Variants in UNC5D observed in about 807,000 individuals in gnomAD.
The protein encoded by UNC5D is unc-5 netrin receptor D.
Under a neutral mutation model 105.4 loss-of-function variants are expected in UNC5D, and 39 were observed. The observed-to-expected ratio is 0.37, with a 90% CI of 0.29 to 0.48. The LOEUF (loss-of-function observed/expected upper bound fraction) is 0.48. UNC5D is among the 20% of genes least tolerant of loss of function. The pLI is 0.98. For synonymous variants in UNC5D, 452 were observed against 450.4 expected, an observed-to-expected ratio of 1.00 and a Z score of -0.04; for missense variants, 991 against 1,202.4, an observed-to-expected ratio of 0.82 and a Z score of 2.60.
intron 10 of UNC5D, among the ~76,000 whole-genome samples, chr8:35,729,622 G>T (rs1379596493): frequency 6.6e-6 from 1 of 152,184 alleles, no homozygotes; most frequent in African/African-American, 2.4e-5. Flanking sequence ...GAGCACACTG[G>T]ATGTCCTGTG....
chr8:35,778,320 A>G (rs1415139900), intron 16 of UNC5D, among the ~76,000 whole-genome samples: 1 of 152,170 alleles, frequency 6.6e-6, no homozygotes. Context: ...TATTTTGCAG[A>G]AATTGTCAAG....
chr8:35,303,640 C>T (rs985693947), intron 1 of UNC5D, among the ~76,000 whole-genome samples: 4 of 152,126 alleles, frequency 2.6e-5, no homozygotes, highest in African/African-American at 9.7e-5. Flanking sequence ...TGGATACATT[C>T]TCTCCTCTGC....
At chr8:35,239,701 C>G (rs933734420) in intron 1 of UNC5D, among the ~76,000 whole-genome samples, 4 of 152,018 alleles carry the variant, frequency 2.6e-5, no homozygotes, top group African/African-American at 9.7e-5. Flanking sequence ...TGCTGATTGT[C>G]CCTTCGTCCA....
intron 1 of UNC5D, among the ~76,000 whole-genome samples, chr8:35,369,071 A>G (rs1164203351): frequency 6.6e-6 from 1 of 152,250 alleles, no homozygotes; most frequent in African/African-American, 2.4e-5. Flanking sequence ...CATATTATAT[A>G]ACTGTATGTA....
intron 4 of UNC5D, among the ~76,000 whole-genome samples, chr8:35,646,548 G>A (rs1586328577): frequency 6.6e-6 from 1 of 152,014 alleles, no homozygotes. Flanking sequence ...ATATTTGTCT[G>A]TAATGCTCTA....
At chr8:35,470,692 C>T (rs1038651180) in intron 1 of UNC5D, among the ~76,000 whole-genome samples, 27 of 151,218 alleles carry the variant, frequency 1.8e-4, no homozygotes, top group African/African-American at 6.1e-4. Flanking sequence ...TCACTTGAGC[C>T]CAGGAGATTG....
intron 1 of UNC5D, among the ~76,000 whole-genome samples, chr8:35,512,465 CATATAT>C (rs780945660): frequency 0.08 from 1,601 of 20,022 alleles, 40 homozygotes; most frequent in Non-Finnish European, 0.11. Context: ...AATAGTGAGC[CATATAT>C]ATATATATAT....
chr8:35,643,896 C>G (rs1048657188), intron 4 of UNC5D, among the ~76,000 whole-genome samples: 1 of 152,162 alleles, frequency 6.6e-6, no homozygotes, highest in Non-Finnish European at 1.5e-5. Context: ...TCATCAGTCT[C>G]AGGGCCTGAG....
At chr8:35,340,324 G>T (rs529265607) in intron 1 of UNC5D, among the ~76,000 whole-genome samples, 1 of 152,084 alleles carries the variant, frequency 6.6e-6, no homozygotes, top group African/African-American at 2.4e-5. Context: ...CATCCAGTAC[G>T]GACTCAGGGA....
At chr8:35,732,456 G>A (rs1021266890) in intron 11 of UNC5D, among the ~76,000 whole-genome samples, 5 of 152,070 alleles carry the variant, frequency 3.3e-5, no homozygotes, top group African/African-American at 7.2e-5. Flanking sequence ...CAACTGGGGG[G>A]AAAAAGAGGC....
intron 1 of UNC5D, among the ~76,000 whole-genome samples, chr8:35,534,350 A>G (rs573680054): frequency 1.6e-4 from 24 of 152,158 alleles, no homozygotes; most frequent in African/African-American, 5.5e-4. Context: ...TTTTAATGAC[A>G]TGATATTGTC....
intron 1 of UNC5D, among the ~76,000 whole-genome samples, chr8:35,547,980 C>G (rs965953136): frequency 6.6e-6 from 1 of 152,200 alleles, no homozygotes; most frequent in Non-Finnish European, 1.5e-5. Context: ...GGGCAGAAAG[C>G]ATCCAGCACG....
At chr8:35,726,018 G>A in intron 9 of UNC5D, 134 bp from the exon 10 acceptor site, 9 of 1,186,794 alleles carry the variant, frequency 7.6e-6, no homozygotes, top group South Asian at 7.0e-5. Flanking sequence ...CTGGCAGGGT[G>A]GTCCTGAAGA....
intron 14 of UNC5D, among the ~76,000 whole-genome samples, chr8:35,760,934 T>C (rs2131685255): frequency 6.6e-6 from 1 of 152,296 alleles, no homozygotes; most frequent in South Asian, 2.1e-4. Context: ...TGGACAGGGC[T>C]GCATTTTTCT....
intron 1 of UNC5D, among the ~76,000 whole-genome samples, chr8:35,403,708 G>C (rs369015410): frequency 6.6e-6 from 1 of 152,202 alleles, no homozygotes; most frequent in East Asian, 1.9e-4. Context: ...GATTAGGGAT[G>C]CTCAACCCAT....
Position 35,785,056 on chromosome 8 carries a change from TA to T in UNC5D, c.2658-5292del, listed in dbSNP as rs993496276. 3.4e-3 allele frequency among the ~76,000 whole-genome samples: 498 copies of T among 147,220 alleles called. 5 individuals are homozygous for T. The highest frequency in any genetic ancestry group is 0.03 in the East Asian group (155 of 5,092). ...ATTTTTGCTAATGTTCTGGTTCCAT[TA>T]AAAAAAAAAATCAAACACACTCAGG... On this transcript the variant is annotated intron_variant, in intron 16 of 16. Coordinates refer to ENST00000404895, the MANE Select transcript of UNC5D (RefSeq NM_080872.4).
intron 4 of UNC5D, among the ~76,000 whole-genome samples, chr8:35,657,579 G>A (rs1285065999): frequency 6.6e-6 from 1 of 152,094 alleles, no homozygotes; most frequent in Non-Finnish European, 1.5e-5. Flanking sequence ...TGGACTCCTG[G>A]GCTCAAATGA....
intron 1 of UNC5D, among the ~76,000 whole-genome samples, chr8:35,253,392 C>T (rs999370512): frequency 1.5e-4 from 22 of 150,864 alleles, no homozygotes; most frequent in Non-Finnish European, 3.1e-4. Flanking sequence ...TATATTTTGG[C>T]CTTTCATATT....
intron 1 of UNC5D, among the ~76,000 whole-genome samples, chr8:35,315,118 T>C (rs993721527): frequency 2.0e-5 from 3 of 152,320 alleles, no homozygotes; most frequent in South Asian, 2.1e-4. Flanking sequence ...AACTGAGTTA[T>C]AATTATAACA....
Sources: allele counts gnomAD v4.1 joint callset (sites outside exome capture counted in the v4.1 genomes callset), GRCh38; gene constraint gnomAD v4.1.1; transcripts MANE v1.5; gene names NCBI Gene and HGNC (gene_info 2026-07-23, HGNC 2026-07-21).